LPGAT1: variants seen among roughly 807,000 people sequenced by gnomAD.
LPGAT1 encodes the protein acyl-CoA:lysophosphatidylglycerol acyltransferase 1.
Under a neutral mutation model 47.5 loss-of-function variants are expected in LPGAT1, and 11 were observed. That is an observed-to-expected ratio of 0.23 (90% CI 0.15 to 0.38). The LOEUF (loss-of-function observed/expected upper bound fraction) is 0.38. LPGAT1 is among the 10% of genes least tolerant of loss of function. The pLI, the probability that LPGAT1 is intolerant of heterozygous loss-of-function variation, is 1.00. For synonymous variants in LPGAT1, 138 were observed against 144.2 expected (o/e 0.96, Z 0.31); for missense variants, 293 against 439.0 (o/e 0.67, Z 2.97).
rs1384584603 is a variant in LPGAT1, at chr1:211,775,045, C to T, written c.854+3873G>A. ...GAAAACGCCACTTTTGCTCAGAGATCTCCATATACTTGCTTGTCACATTAT... is the reference window on the plus strand; with the variant it reads ...GAAAACGCCACTTTTGCTCAGAGATTTCCATATACTTGCTTGTCACATTAT... On this transcript the variant is annotated intron_variant, in intron 6 of 7. Coordinates refer to ENST00000366997, the MANE Select transcript of LPGAT1 (RefSeq NM_014873.3). Among the ~76,000 whole-genome samples the T allele has an allele frequency of 6.6e-5, 10 of 152,220 alleles. No individual in the cohort carries two copies. The East Asian group carries it at 1.9e-3, about 29-fold the overall frequency.
At chr1:211,797,901 T>A (rs1659412308) in intron 2 of LPGAT1, among the ~76,000 whole-genome samples, 1 of 152,138 alleles carries the variant, frequency 6.6e-6, no homozygotes, top group African/African-American at 2.4e-5. Context: ...TGTAATAAAT[T>A]TTAAAATTCT....
At chr1:211,812,476 A>G (rs1351250600) in intron 2 of LPGAT1, among the ~76,000 whole-genome samples, 1 of 152,176 alleles carries the variant, frequency 6.6e-6, no homozygotes, top group East Asian at 1.9e-4. Context: ...AGTCCATAGG[A>G]TCCATTAATG....
Position 211,746,500 on chromosome 1 carries a change from G to T in LPGAT1, c.*3399C>A, listed in dbSNP as rs896901723. 2 of 151,864 alleles carry T rather than the reference G, an allele frequency of 1.3e-5. No homozygotes were observed. Among genetic ancestry groups the T allele is most frequent in the Non-Finnish European group, 2.9e-5 (2 of 67,958 alleles). The allele number at this position is 151,864 out of a possible 1,614,324, so 9.4% of individuals were successfully genotyped here. ...AACTTAAATCATTTAATTAGTAAGCGTCCCTAGAAAAAAAATGTCTGATGA... is the reference window on the plus strand; with the variant it reads ...AACTTAAATCATTTAATTAGTAAGCTTCCCTAGAAAAAAAATGTCTGATGA... On this transcript the variant is annotated 3_prime_UTR_variant, in exon 8 of 8. Coordinates refer to ENST00000366997, the MANE Select transcript of LPGAT1 (RefSeq NM_014873.3).
intron 6 of LPGAT1, among the ~76,000 whole-genome samples, chr1:211,753,744 G>A (rs190893172): frequency 4.6e-5 from 7 of 152,270 alleles, no homozygotes; most frequent in Middle Eastern, 3.4e-3. Flanking sequence ...TCTTGTGTTT[G>A]CTTTAGTCTT....
chr1:211,830,627 T>C lies in LPGAT1; in HGVS notation c.-82A>G, dbSNP rs2102619814. On this transcript the variant is annotated 5_prime_UTR_variant, in exon 1 of 8. Coordinates refer to ENST00000366997, the MANE Select transcript of LPGAT1 (RefSeq NM_014873.3). This position sits in a 1 kb window ranked among gnomAD's most constrained non-coding sequence, Gnocchi z 5.9. ...TTGGGAGTCAGAGGAGCCGGAAGAA[T>C]GCATGGCCGGCGGCGGGGCCGGCGG... 8.3e-7 allele frequency: 1 copy of C among 1,198,088 alleles called. No homozygotes were observed. Among genetic ancestry groups the C allele is most frequent in the Non-Finnish European group, 1.0e-6 (1 of 966,564 alleles). The allele number at this position is 1,198,088 out of a possible 1,614,324, so 74.2% of individuals were successfully genotyped here. A position where few individuals can be genotyped will look rare whatever the true frequency, so the allele number is the denominator to read the frequency against.
At chr1:211,795,949 G>C (rs1659333877) in intron 2 of LPGAT1, among the ~76,000 whole-genome samples, 1 of 151,860 alleles carries the variant, frequency 6.6e-6, no homozygotes, top group Admixed American at 6.6e-5. Context: ...ATAAATAGTG[G>C]GCTATTAAGA....
At chr1:211,791,765 A>G (rs1487701282) in intron 3 of LPGAT1, among the ~76,000 whole-genome samples, 2 of 142,014 alleles carry the variant, frequency 1.4e-5, no homozygotes, top group Non-Finnish European at 3.2e-5. Flanking sequence ...AAAAAAAAAA[A>G]CAAACAAACA....
Position 211,778,186 on chromosome 1 carries a change from C to T in LPGAT1, c.854+732G>A, listed in dbSNP as rs2102529905. Among the ~76,000 whole-genome samples the T allele has an allele frequency of 1.3e-5, 2 of 151,924 alleles. 1 individual carries two copies. Among genetic ancestry groups the T allele is most frequent in the South Asian group, 4.2e-4 (2 of 4,812 alleles). On this transcript the variant is annotated intron_variant, in intron 6 of 7. Coordinates refer to ENST00000366997, the MANE Select transcript of LPGAT1 (RefSeq NM_014873.3). Reference sequence around the variant, plus strand: ...TGAAACCCCGTCTCTACTAAAAATACAAAAAATTAGCCGGGCATGGTGGCG... The same window carrying T: ...TGAAACCCCGTCTCTACTAAAAATATAAAAAATTAGCCGGGCATGGTGGCG...
chr1:211,803,371 G>T (rs1314554673), intron 2 of LPGAT1, among the ~76,000 whole-genome samples: 2 of 152,194 alleles, frequency 1.3e-5, no homozygotes, highest in Non-Finnish European at 2.9e-5. Context: ...TGATAGGGAA[G>T]GAAGATAATC....
intron 2 of LPGAT1, among the ~76,000 whole-genome samples, chr1:211,799,055 T>C (rs1014996830): frequency 6.6e-6 from 1 of 152,178 alleles, no homozygotes; most frequent in African/African-American, 2.4e-5. Context: ...TCCTAATACA[T>C]ACTTCTAAAT....
chr1:211,782,213 C>T (rs1383679304), intron 5 of LPGAT1, among the ~76,000 whole-genome samples: 2 of 152,096 alleles, frequency 1.3e-5, no homozygotes, highest in Non-Finnish European at 2.9e-5. Flanking sequence ...TGTTGTATTC[C>T]GTTGTATGGA....
chr1:211,812,720 G>A (rs967304279), intron 2 of LPGAT1, among the ~76,000 whole-genome samples: 3 of 152,196 alleles, frequency 2.0e-5, no homozygotes, highest in Non-Finnish European at 4.4e-5. Context: ...GAGTCCTTGT[G>A]TAACAGAGAT....
At chr1:211,794,581 C>T (rs1659274483) in intron 2 of LPGAT1, among the ~76,000 whole-genome samples, 1 of 152,188 alleles carries the variant, frequency 6.6e-6, no homozygotes, top group African/African-American at 2.4e-5. Context: ...ATTGACATTA[C>T]AGACATGAGC....
rs530360252 is a variant in LPGAT1, at chr1:211,830,020, G to A, written c.-28+553C>T. Reference sequence around the variant, plus strand: ...AAAGAGGTAAAAGCCAAGGAACTGGGGATGAAGAGAATGAGATTTCCGACC... The same window carrying A: ...AAAGAGGTAAAAGCCAAGGAACTGGAGATGAAGAGAATGAGATTTCCGACC... On this transcript the variant is annotated intron_variant, in intron 1 of 7. Transcript: ENST00000366997. This position sits in a 1 kb window ranked among gnomAD's most constrained non-coding sequence, Gnocchi z 5.9. 117 of 985,892 alleles carry A rather than the reference G, an allele frequency of 1.2e-4. 1 individual carries two copies. The African/African-American group carries it at 1.9e-3, about 16-fold the overall frequency. 61.1% of individuals were successfully genotyped at this position (985,892 alleles called of 1,614,324 possible).
intron 6 of LPGAT1, among the ~76,000 whole-genome samples, chr1:211,778,117 C>T (rs1243208561): frequency 2.0e-5 from 3 of 152,052 alleles, no homozygotes; most frequent in Middle Eastern, 3.2e-3. Context: ...CCGACGCAGG[C>T]GGATCACAAG....
chr1:211,806,999 G>A (rs1659784496), intron 2 of LPGAT1, among the ~76,000 whole-genome samples: 1 of 152,086 alleles, frequency 6.6e-6, no homozygotes, highest in South Asian at 2.1e-4. Flanking sequence ...ATTCACAAAT[G>A]ACATGATTGC....
At position 211,747,967 on chromosome 1, in the gene LPGAT1, C is replaced by T. The variant is rs1477083769; in HGVS notation, c.*1932G>A. On this transcript the variant is annotated 3_prime_UTR_variant, in exon 8 of 8. Transcript: ENST00000366997. ...ATTCAATGAGGTATTTCAGTTAATG[C>T]ATCATTCTCTTTCACATATGCACTG... 6.6e-6 allele frequency: 1 copy of T among 152,612 alleles called. No individual in the cohort carries two copies. The highest frequency in any genetic ancestry group is 1.5e-5 in the Non-Finnish European group (1 of 68,046). The allele number at this position is 152,612 out of a possible 1,614,324, so 9.5% of individuals were successfully genotyped here.
rs188475863 is a variant in LPGAT1 at position 211,752,833 on chromosome 1, C to A, written c.855-1766G>T. On this transcript the variant is annotated intron_variant, in intron 6 of 7. Transcript: ENST00000366997. ...TGCTTCCTGGGTGGCTGTCCTCAAG[C>A]TTTGTGCCTAATAACCTTTACATTT... Among the ~76,000 whole-genome samples, 78 of 152,278 alleles carry A rather than the reference C, an allele frequency of 5.1e-4. 1 individual carries two copies. In the East Asian group the frequency reaches 0.013, roughly 26 times the overall value.
chr1:211,808,968 T>C (rs2066297), intron 2 of LPGAT1, among the ~76,000 whole-genome samples: 148,184 of 151,948 alleles, frequency 0.98, 72,271 homozygotes, highest in East Asian at 1. Context: ...GAGGCTGAGG[T>C]GGGCGGATCA....
Sources: gnomAD v4.1 joint callset for allele counts (sites outside exome capture counted in the v4.1 genomes callset) on GRCh38, gnomAD v4.1.1 for gene constraint, Gnocchi (gnomAD v3.1) non-coding constraint, MANE v1.5 for transcripts, NCBI Gene and HGNC (gene_info 2026-07-23, HGNC 2026-07-21) for gene names.